The following GRIN3A variants were observed in gnomAD, a reference collection of about 807,000 sequenced individuals.
GRIN3A encodes the protein glutamate receptor ionotropic, NMDA 3A.
Under a neutral mutation model 92.4 loss-of-function variants are expected in GRIN3A, and 47 were observed. The observed-to-expected ratio is 0.51, with a 90% CI of 0.40 to 0.65. The LOEUF (loss-of-function observed/expected upper bound fraction) is 0.65, where lower values mean the gene tolerates loss of function less well. Among genes scored for constraint, GRIN3A ranks in the 30% least tolerant of loss-of-function variants. The pLI, the probability that GRIN3A is intolerant of heterozygous loss-of-function variation, is 0.00. For synonymous variants in GRIN3A, 527 were observed against 540.6 expected (o/e 0.97, Z 0.35); for missense variants, 1,324 against 1,393.1 (o/e 0.95, Z 0.79).
intron 1 of GRIN3A, among the ~76,000 whole-genome samples, chr9:101,695,919 T>C (rs986398686): frequency 2.6e-5 from 4 of 152,182 alleles, no homozygotes; most frequent in Admixed American, 1.3e-4. Flanking sequence ...TTTCTCTCTT[T>C]CTTGCCAGTG....
chr9:101,690,230 C>T (rs1024943068), intron 1 of GRIN3A, among the ~76,000 whole-genome samples: 1 of 151,964 alleles, frequency 6.6e-6, no homozygotes, highest in African/African-American at 2.4e-5. Flanking sequence ...TTTAATGTAG[C>T]TATATTATTT....
intron 5 of GRIN3A, among the ~76,000 whole-genome samples, chr9:101,616,893 A>T (rs1293528700): frequency 6.7e-6 from 1 of 149,898 alleles, no homozygotes; most frequent in South Asian, 2.1e-4. Flanking sequence ...AAGTATAAAA[A>T]AAAAAAAAAA....
chr9:101,717,501 T>C (rs1281319183), intron 1 of GRIN3A, among the ~76,000 whole-genome samples: 1 of 152,224 alleles, frequency 6.6e-6, no homozygotes, highest in Non-Finnish European at 1.5e-5. Flanking sequence ...TCGTACTTAA[T>C]GACGGATGAG....
intron 4 of GRIN3A, among the ~76,000 whole-genome samples, chr9:101,626,118 A>T (rs947912479): frequency 2.0e-5 from 3 of 152,200 alleles, no homozygotes; most frequent in African/African-American, 7.2e-5. Context: ...TAGCTTCTAG[A>T]TTGGCTGAAT....
chr9:101,723,215 C>T (rs1005484982), intron 1 of GRIN3A, among the ~76,000 whole-genome samples: 101 of 152,058 alleles, frequency 6.6e-4, no homozygotes, highest in African/African-American at 9.7e-4. Context: ...CTTAAGGTGG[C>T]GCGTCTGGAG....
At chr9:101,693,805 A>G (rs561959606) in intron 1 of GRIN3A, among the ~76,000 whole-genome samples, 5 of 152,320 alleles carry the variant, frequency 3.3e-5, no homozygotes, top group Admixed American at 2.6e-4. Flanking sequence ...TTAAAAAAGA[A>G]TGATAGTTGC....
intron 3 of GRIN3A, among the ~76,000 whole-genome samples, chr9:101,640,698 C>G (rs1021147846): frequency 6.6e-6 from 1 of 152,104 alleles, no homozygotes; most frequent in African/African-American, 2.4e-5. Context: ...GGGAGTGGGT[C>G]TTTCACTTGC....
Position 101,600,281 on chromosome 9 carries a change from G to A in GRIN3A, c.2766+13095C>T, listed in dbSNP as rs78418948. ...GCTTGCTTAAAAACTCAAGTAGACT[G>A]TATGCATACATGCACACAGATATAC... On this transcript the variant is annotated intron_variant, in intron 6 of 8. Coordinates refer to ENST00000361820, the MANE Select transcript of GRIN3A (RefSeq NM_133445.3). Among the ~76,000 whole-genome samples, 292 of 152,258 alleles carry A rather than the reference G, an allele frequency of 1.9e-3. 1 individual carries two copies. Among genetic ancestry groups the A allele is most frequent in the African/African-American group, 6.7e-3 (278 of 41,564 alleles).
At chr9:101,659,150 C>A (rs961278587) in intron 3 of GRIN3A, among the ~76,000 whole-genome samples, 1 of 151,760 alleles carries the variant, frequency 6.6e-6, no homozygotes, top group African/African-American at 2.4e-5. Context: ...CAGAGCAAAC[C>A]ATCATTAACT....
At chr9:101,671,173 C>T in intron 2 of GRIN3A, 66 bp from the exon 3 acceptor site, 1 of 1,066,092 alleles carries the variant, frequency 9.4e-7, no homozygotes. Flanking sequence ...AAGCAGTGTT[C>T]AGCTTTGCTT....
intron 1 of GRIN3A, among the ~76,000 whole-genome samples, chr9:101,701,280 G>A (rs1415646): frequency 0.92 from 140,588 of 152,188 alleles, 65,251 homozygotes; most frequent in Middle Eastern, 0.97. Flanking sequence ...ATAGGTAAAC[G>A]TATGTCATGG....
At chr9:101,662,541 C>A (rs1007319051) in intron 3 of GRIN3A, among the ~76,000 whole-genome samples, 9 of 151,508 alleles carry the variant, frequency 5.9e-5, no homozygotes, top group Non-Finnish European at 1.2e-4. Flanking sequence ...CAATATTAAG[C>A]ATTTCAATAT....
At chr9:101,726,999 G>T (rs551038384) in intron 1 of GRIN3A, among the ~76,000 whole-genome samples, 16 of 152,200 alleles carry the variant, frequency 1.1e-4, no homozygotes, top group Non-Finnish European at 1.9e-4. Flanking sequence ...ACAATGAAAG[G>T]ACAGGGGAAA....
intron 5 of GRIN3A, among the ~76,000 whole-genome samples, chr9:101,614,609 CTTTTT>C (rs754003481): frequency 6.0e-5 from 5 of 83,050 alleles, no homozygotes; most frequent in African/African-American, 1.6e-4. Flanking sequence ...ATATGTGATA[CTTTTT>C]TTTTTTTTTT....
At chr9:101,665,312 C>A (rs1276990604) in intron 3 of GRIN3A, among the ~76,000 whole-genome samples, 1 of 151,734 alleles carries the variant, frequency 6.6e-6, no homozygotes, top group Non-Finnish European at 1.5e-5. Flanking sequence ...ACAATTATAA[C>A]AGAAAGACTT....
intron 1 of GRIN3A, among the ~76,000 whole-genome samples, chr9:101,711,831 G>A (rs1829882727): frequency 6.6e-6 from 1 of 152,098 alleles, no homozygotes; most frequent in African/African-American, 2.4e-5. Context: ...TCCAAGTCTC[G>A]ACTTTCAAAA....
chr9:101,613,441 C>A lies in GRIN3A; in HGVS notation c.2701G>T (p.Asp901Tyr). Residue 901 changes from aspartate (D) to tyrosine (Y), a missense_variant, in exon 6 of 9, where the codon GAT becomes TAT. Transcript: ENST00000361820. ...CTGTACCACTTGTCATGGAGCATAT[C>A]CATAAACCCATGTGACTTGTATTGA... ...ISQYKSHGFM[D>Y]MLHDKWYRVV... 6.2e-7 allele frequency: 1 copy of A among 1,614,194 alleles called. No homozygotes were observed. The highest frequency in any genetic ancestry group is 8.5e-7 in the Non-Finnish European group (1 of 1,180,010).
At chr9:101,628,460 C>A in intron 3 of GRIN3A, 59 bp from the exon 4 acceptor site, 1 of 1,515,776 alleles carries the variant, frequency 6.6e-7, no homozygotes, top group Non-Finnish European at 9.1e-7. Context: ...TGTTTTTTAA[C>A]ATTTTTTTCA....
chr9:101,627,026 T>A (rs140566660), intron 4 of GRIN3A, among the ~76,000 whole-genome samples: 36 of 152,326 alleles, frequency 2.4e-4, no homozygotes, highest in African/African-American at 7.9e-4. Context: ...GCTCATCTCA[T>A]CCTTTTTCAC....
Sources: allele counts gnomAD v4.1 joint callset (sites outside exome capture counted in the v4.1 genomes callset), GRCh38; gene constraint gnomAD v4.1.1; transcripts MANE v1.5; gene names NCBI Gene and HGNC (gene_info 2026-07-23, HGNC 2026-07-21).